CYP7B1: variants seen among roughly 807,000 people sequenced by gnomAD.
The protein encoded by CYP7B1 is cytochrome P450 family 7 subfamily B member 1, also known as cytochrome P450 7B1.
A neutral mutation model predicts 42.7 loss-of-function variants in CYP7B1; 29 were observed. That is an observed-to-expected ratio of 0.68 (90% CI 0.51 to 0.93). CYP7B1 has a LOEUF of 0.93. Ranked by LOEUF, CYP7B1 falls within the 40% of genes least tolerant of loss-of-function variation. The pLI is 0.00. For synonymous variants in CYP7B1, 235 were observed against 218.2 expected (o/e 1.08, Z -0.68); for missense variants, 655 against 600.5 (o/e 1.09, Z -0.95).
chr8:64,752,726 T>A (rs925422751), intron 1 of CYP7B1, among the ~76,000 whole-genome samples: 2 of 152,216 alleles, frequency 1.3e-5, no homozygotes, highest in African/African-American at 4.8e-5. Flanking sequence ...GCCTGAAACC[T>A]TGATCCTATG....
intron 1 of CYP7B1, among the ~76,000 whole-genome samples, chr8:64,787,508 A>G (rs2129710028): frequency 6.6e-6 from 1 of 152,308 alleles, no homozygotes; most frequent in Admixed American, 6.5e-5. Flanking sequence ...TCATATCACT[A>G]TCAGCATTTT....
At chr8:64,609,184 T>A (rs920701510) in intron 4 of CYP7B1, among the ~76,000 whole-genome samples, 5 of 152,210 alleles carry the variant, frequency 3.3e-5, no homozygotes, top group African/African-American at 1.2e-4. Flanking sequence ...TTGGATATAT[T>A]TATGGTGTAC....
At position 64,595,893 on chromosome 8, in the gene CYP7B1, A is replaced by G. The variant is rs964838569; in HGVS notation, c.*749T>C. Among the ~76,000 whole-genome samples, 1 of 152,226 alleles carries G rather than the reference A, an allele frequency of 6.6e-6. No individual in the cohort carries two copies. The highest frequency in any genetic ancestry group is 1.5e-5 in the Non-Finnish European group (1 of 68,036). On this transcript the variant is annotated 3_prime_UTR_variant, in exon 6 of 6. Coordinates refer to ENST00000310193, the MANE Select transcript of CYP7B1 (RefSeq NM_004820.5). Reference sequence around the variant, plus strand: ...AATTATTTCAACATTTGCTCCCATAATAAACCTAATACTAATGTCTAGGGC... The same window carrying G: ...AATTATTTCAACATTTGCTCCCATAGTAAACCTAATACTAATGTCTAGGGC...
At chr8:64,715,736 G>A (rs1316766216) in intron 1 of CYP7B1, among the ~76,000 whole-genome samples, 2 of 152,306 alleles carry the variant, frequency 1.3e-5, no homozygotes, top group East Asian at 1.9e-4. Flanking sequence ...GGGAAACGTA[G>A]AGAAAGGAGA....
chr8:64,765,771 T>G (rs1807963738), intron 1 of CYP7B1, among the ~76,000 whole-genome samples: 1 of 152,082 alleles, frequency 6.6e-6, no homozygotes, highest in South Asian at 2.1e-4. Flanking sequence ...AGATGGGAAA[T>G]GTTCCCCCCA....
intron 5 of CYP7B1, among the ~76,000 whole-genome samples, chr8:64,600,914 G>A (rs1163634791): frequency 6.6e-6 from 1 of 152,174 alleles, no homozygotes; most frequent in South Asian, 2.1e-4. Context: ...TATACTGCAA[G>A]TTTGTAGGGG....
downstream of CYP7B1, among the ~76,000 whole-genome samples, chr8:64,588,011 C>A (rs556860057): frequency 3.3e-5 from 5 of 152,260 alleles, no homozygotes; most frequent in African/African-American, 1.2e-4. Context: ...TTCCCAAAGA[C>A]CACAGTTGCC....
At chr8:64,719,106 G>T (rs1807200418) in intron 1 of CYP7B1, among the ~76,000 whole-genome samples, 1 of 152,162 alleles carries the variant, frequency 6.6e-6, no homozygotes, top group Non-Finnish European at 1.5e-5. Flanking sequence ...AGATTAAATG[G>T]CATTTAGAAT....
chr8:64,768,346 A>G (rs2007728668), intron 1 of CYP7B1, among the ~76,000 whole-genome samples: 1 of 151,956 alleles, frequency 6.6e-6, no homozygotes, highest in Admixed American at 6.6e-5. Context: ...TCACTCTATT[A>G]AATCGTGCAA....
chr8:64,735,197 A>G (rs1268784704), intron 1 of CYP7B1, among the ~76,000 whole-genome samples: 1 of 152,194 alleles, frequency 6.6e-6, no homozygotes, highest in African/African-American at 2.4e-5. Context: ...TGGATATACA[A>G]TATTTTTTCT....
At chr8:64,682,542 C>T (rs932490198) in intron 1 of CYP7B1, among the ~76,000 whole-genome samples, 1 of 152,190 alleles carries the variant, frequency 6.6e-6, no homozygotes, top group African/African-American at 2.4e-5. Flanking sequence ...GACCTTTCTT[C>T]AAACACTCTT....
intron 1 of CYP7B1, among the ~76,000 whole-genome samples, chr8:64,674,907 T>G (rs1205359911): frequency 6.6e-6 from 1 of 152,166 alleles, no homozygotes; most frequent in Non-Finnish European, 1.5e-5. Flanking sequence ...TGACTCAAAG[T>G]TATTGCACAA....
At chr8:64,726,247 A>G (rs1415061199) in intron 1 of CYP7B1, among the ~76,000 whole-genome samples, 1 of 152,216 alleles carries the variant, frequency 6.6e-6, no homozygotes, top group Non-Finnish European at 1.5e-5. Flanking sequence ...AAGTTGTTTC[A>G]GAAGTGACTT....
intron 1 of CYP7B1, among the ~76,000 whole-genome samples, chr8:64,780,390 C>G (rs1804401603): frequency 6.6e-6 from 1 of 152,000 alleles, no homozygotes; most frequent in African/African-American, 2.4e-5. Flanking sequence ...TTAATGTCAA[C>G]TATTTAGGAT....
At chr8:64,757,879 C>G (rs971576503) in intron 1 of CYP7B1, among the ~76,000 whole-genome samples, 9 of 152,178 alleles carry the variant, frequency 5.9e-5, no homozygotes, top group African/African-American at 2.2e-4. Flanking sequence ...ATGCTTCTTG[C>G]CCCTTTGATC....
At chr8:64,645,603 G>A (rs1429537083) in intron 1 of CYP7B1, among the ~76,000 whole-genome samples, 2 of 152,254 alleles carry the variant, frequency 1.3e-5, no homozygotes, top group Middle Eastern at 3.4e-3. Flanking sequence ...AATCAATATC[G>A]TGAAAATGGC....
chr8:64,720,635 T>C (rs1807222076), intron 1 of CYP7B1, among the ~76,000 whole-genome samples: 1 of 152,190 alleles, frequency 6.6e-6, no homozygotes, highest in African/African-American at 2.4e-5. Flanking sequence ...TGGCTATATG[T>C]TATTATATAA....
intron 1 of CYP7B1, among the ~76,000 whole-genome samples, chr8:64,788,048 A>C (rs1405553577): frequency 2.0e-5 from 3 of 152,236 alleles, no homozygotes; most frequent in Non-Finnish European, 4.4e-5. Context: ...TTCTCATGAC[A>C]CATGGGGATT....
chr8:64,612,378 G>C (rs1188636096), intron 4 of CYP7B1, among the ~76,000 whole-genome samples: 1 of 151,946 alleles, frequency 6.6e-6, no homozygotes, highest in Non-Finnish European at 1.5e-5. Context: ...ATTATTAATA[G>C]ATAAAATGTT....
Sources: allele counts gnomAD v4.1 joint callset (sites outside exome capture counted in the v4.1 genomes callset), GRCh38; gene constraint gnomAD v4.1.1; transcripts MANE v1.5; gene names NCBI Gene and HGNC (gene_info 2026-07-23, HGNC 2026-07-21).